Variants in EIF2B2 observed in about 807,000 individuals in gnomAD.
The protein encoded by EIF2B2 is translation initiation factor eIF2B subunit beta.
EIF2B2 carries 34 observed loss-of-function variants against 34.7 expected under a neutral mutation model. That is an observed-to-expected ratio of 0.98 (90% CI 0.75 to 1.31). The LOEUF (loss-of-function observed/expected upper bound fraction) is 1.31, where lower values mean the gene tolerates loss of function less well. EIF2B2 is among the 50% of genes most tolerant of loss of function. The pLI is 0.00. For synonymous variants in EIF2B2, 155 were observed against 171.6 expected, an observed-to-expected ratio of 0.90 and a Z score of 0.76; for missense variants, 361 against 447.7, an observed-to-expected ratio of 0.81 and a Z score of 1.75.
intron 3 of EIF2B2, 72 bp from the exon 4 acceptor site, chr14:75,004,665 T>A: frequency 6.5e-6 from 2 of 307,716 alleles, no homozygotes; most frequent in Non-Finnish European, 8.5e-6. Flanking sequence ...TATAGCAATT[T>A]CATATATATA....
rs752293505 is a variant in EIF2B2, at chr14:75,002,957, C to G, written c.-34C>G. ...CTGTGTGGTCTGGCAGGTGTGGATT[C>G]CGCCGGTGAAGGCTGAAGGCAGCTA... On this transcript the variant is annotated 5_prime_UTR_variant, in exon 1 of 8. Coordinates refer to ENST00000266126, the MANE Select transcript of EIF2B2 (RefSeq NM_014239.4). The G allele has an allele frequency of 2.5e-6, 4 of 1,613,298 alleles. No individual in the cohort carries two copies. Among genetic ancestry groups the G allele is most frequent in the Non-Finnish European group, 3.4e-6 (4 of 1,180,000 alleles).
Position 75,009,274 on chromosome 14 carries a change from C to A in EIF2B2, c.*86C>A. ...GTGTTGCTGCTGAAGCACATCCTTG[C>A]AATGTGGGAGTGCACAGGAGTCCAC... On this transcript the variant is annotated 3_prime_UTR_variant, in exon 8 of 8. Transcript: ENST00000266126. 6.5e-7 allele frequency: 1 copy of A among 1,542,184 alleles called. No individual in the cohort carries two copies. Among genetic ancestry groups the A allele is most frequent in the Non-Finnish European group, 8.9e-7 (1 of 1,120,188 alleles).
intron 4 of EIF2B2, among the ~76,000 whole-genome samples, chr14:75,005,524 G>C (rs1889614966): frequency 6.6e-6 from 1 of 152,162 alleles, no homozygotes; most frequent in South Asian, 2.1e-4. Flanking sequence ...GTCTCAAAAA[G>C]GAAATATGTA....
At chr14:75,003,450 C>G in intron 2 of EIF2B2, 55 bp downstream of exon 2, 1 of 1,613,946 alleles carries the variant, frequency 6.2e-7, no homozygotes, top group East Asian at 2.2e-5. Flanking sequence ...TTTGCACGGG[C>G]CCCTCTACCT....
intron 4 of EIF2B2, 196 bp downstream of exon 4, chr14:75,005,096 GGCCGGGA>G (rs1168096338): frequency 1.6e-6 from 1 of 632,636 alleles, no homozygotes; most frequent in Non-Finnish European, 2.7e-6. Context: ...AGAAAGTTGG[GGCCGGGA>G]GCGATGGCTC....
rs918480130 is a variant in EIF2B2, at chr14:75,011,319, C to T, written c.*2131C>T. On this transcript the variant is annotated 3_prime_UTR_variant, in exon 8 of 8. Coordinates refer to ENST00000266126, the MANE Select transcript of EIF2B2 (RefSeq NM_014239.4). ...CATGTTTATGCTTACATATTGTTTC[C>T]GGTTTTTAACCTAAAAAGTCTCCCA... The T allele has an allele frequency of 1.6e-4, 24 of 152,188 alleles. No homozygotes were observed. Among genetic ancestry groups the T allele is most frequent in the African/African-American group, 5.8e-4 (24 of 41,436 alleles). The allele number at this position is 152,188 out of a possible 1,614,324, so 9.4% of individuals were successfully genotyped here.
chr14:75,010,899 A>G lies in EIF2B2; in HGVS notation c.*1711A>G, dbSNP rs1011761502. On this transcript the variant is annotated 3_prime_UTR_variant, in exon 8 of 8. Coordinates refer to ENST00000266126, the MANE Select transcript of EIF2B2 (RefSeq NM_014239.4). The stretch of plus-strand genomic sequence containing the variant: ...CATAATACGGACTCATTTCCATAAA[A>G]CAACACTGGCTGGGCGCAATGGCTC... The G allele has an allele frequency of 6.6e-6, 1 of 152,274 alleles. No individual in the cohort carries two copies. The highest frequency in any genetic ancestry group is 1.5e-5 in the Non-Finnish European group (1 of 68,058). 9.4% of individuals were successfully genotyped at this position (152,274 alleles called of 1,614,324 possible). A position where few individuals can be genotyped will look rare whatever the true frequency, so the allele number is the denominator to read the frequency against.
intron 1 of EIF2B2, 48 bp from the exon 2 acceptor site, chr14:75,003,227 G>A (rs771410713): frequency 6.2e-7 from 1 of 1,613,168 alleles, no homozygotes; most frequent in Non-Finnish European, 8.5e-7. Flanking sequence ...AATTTCCCAG[G>A]CCTCACTTCG....
rs1365390122 is a variant in EIF2B2, at chr14:75,003,276, G to A, written c.165G>A (p.Gly55=). 8.1e-6 allele frequency: 13 copies of A among 1,613,592 alleles called. No individual in the cohort carries two copies. Among genetic ancestry groups the A allele is most frequent in the Non-Finnish European group, 1.1e-5 (13 of 1,179,996 alleles). Residue 55 remains glycine, a splice_region_variant and synonymous_variant, in exon 2 of 8, where the codon GGG becomes GGA. Coordinates refer to ENST00000266126, the MANE Select transcript of EIF2B2 (RefSeq NM_014239.4). ...TATCCTCTCTCTTTTGGACTGTAGG[G>A]GAGCTGATGGAGCTGATCCGCAGAG... ...IITDHRWSNA[G]ELMELIRREG...
rs1326288920 is a variant in EIF2B2 at position 75,010,487 on chromosome 14, T to C, written c.*1299T>C. ...GATGGCTGGAGGGGCAGTGTCTGGA[T>C]TGAAGGCATTTGGGCTGGTTCACTG... On this transcript the variant is annotated 3_prime_UTR_variant, in exon 8 of 8. Coordinates refer to ENST00000266126, the MANE Select transcript of EIF2B2 (RefSeq NM_014239.4). 2 of 152,238 alleles carry C rather than the reference T, an allele frequency of 1.3e-5. No homozygotes were observed. Among genetic ancestry groups the C allele is most frequent in the Non-Finnish European group, 2.9e-5 (2 of 68,044 alleles). The allele number at this position is 152,238 out of a possible 1,614,324, so 9.4% of individuals were successfully genotyped here.
chr14:75,003,726 G>A (rs1405230933), intron 3 of EIF2B2, 27 bp downstream of exon 3: 2 of 1,614,010 alleles, frequency 1.2e-6, no homozygotes, highest in Admixed American at 1.7e-5. Context: ...CTGGGAAAAT[G>A]GGACTGGTCA....
rs1889627154 is a variant in EIF2B2, at chr14:75,006,436, G to A, written c.694-141G>A. 1 of 1,212,254 alleles carries A rather than the reference G, an allele frequency of 8.2e-7. No homozygotes were observed. Among genetic ancestry groups the A allele is most frequent in the South Asian group, 1.3e-5 (1 of 76,006 alleles). 75.1% of individuals were successfully genotyped at this position (1,212,254 alleles called of 1,614,324 possible). A position where few individuals can be genotyped will look rare whatever the true frequency, so the allele number is the denominator to read the frequency against. On this transcript the variant is annotated intron_variant, in intron 5 of 7. Coordinates refer to ENST00000266126, the MANE Select transcript of EIF2B2 (RefSeq NM_014239.4). This position sits in a 1 kb window ranked among gnomAD's most constrained non-coding sequence, Gnocchi z 4.1. ...ACTTTTAAGCTAGAACTTGTATTGA[G>A]CCAGGGATCCCTTCACCTCTACCAG...
At position 75,003,639 on chromosome 14, in the gene EIF2B2, C is replaced by G. The variant is rs1172736504; in HGVS notation, c.373C>G (p.His125Asp). Residue 125 changes from histidine to aspartate, a missense_variant, in exon 3 of 8, where the codon CAT becomes GAT. By Grantham distance (81) the His-to-Asp change is moderately conservative (BLOSUM62 -1). Transcript: ENST00000266126. ...SGGLNEDFSF[H>D]YAQLQSNIIE... Reference sequence around the variant, plus strand: ...AGGCCTAAACGAGGATTTCAGCTTCCATTATGCCCAACTCCAGTCCAACAT... The same window carrying G: ...AGGCCTAAACGAGGATTTCAGCTTCGATTATGCCCAACTCCAGTCCAACAT... 4.3e-6 allele frequency: 7 copies of G among 1,614,050 alleles called. No homozygotes were observed. Among genetic ancestry groups the G allele is most frequent in the Non-Finnish European group, 5.9e-6 (7 of 1,180,038 alleles).
chr14:75,005,234 G>C (rs568978873), intron 4 of EIF2B2: 43 of 346,000 alleles, frequency 1.2e-4, no homozygotes, highest in Non-Finnish European at 1.9e-4. Context: ...AAAATTAGCT[G>C]GGCGTGGTGG....
chr14:75,005,948 C>T lies in EIF2B2; in HGVS notation c.680C>T (p.Ser227Leu). Residue 227 changes from serine (S) to leucine (L), a missense_variant, in exon 5 of 8, where the codon TCA becomes TTA. Transcript: ENST00000266126. ...MTDAAIFAVM[S>L]RVNKVIIGTK... is the part of the protein sequence containing the mutation. The stretch of plus-strand genomic sequence containing the variant: ...GATGCTGCCATTTTTGCCGTTATGT[C>T]AAGAGTCAACAAGGTGGGTATATCT... The T allele has an allele frequency of 6.2e-7, 1 of 1,612,694 alleles. No homozygotes were observed. The highest frequency in any genetic ancestry group is 1.7e-5 in the Admixed American group (1 of 59,998).
chr14:75,011,321 G>GT lies in EIF2B2; in HGVS notation c.*2138dup, dbSNP rs1294253560. The GT allele has an allele frequency of 6.6e-6, 1 of 152,234 alleles. No individual in the cohort carries two copies. Among genetic ancestry groups the GT allele is most frequent in the African/African-American group, 2.4e-5 (1 of 41,452 alleles). 9.4% of individuals were successfully genotyped at this position (152,234 alleles called of 1,614,324 possible). A position where few individuals can be genotyped will look rare whatever the true frequency, so the allele number is the denominator to read the frequency against. On this transcript the variant is annotated 3_prime_UTR_variant, in exon 8 of 8. Transcript: ENST00000266126. ...TGTTTATGCTTACATATTGTTTCCG[G>GT]TTTTTAACCTAAAAAGTCTCCCAGG...
chr14:75,007,777 C>A lies in EIF2B2; in HGVS notation c.887C>A (p.Pro296Gln). 6.2e-7 allele frequency: 1 copy of A among 1,613,890 alleles called. No individual in the cohort carries two copies. The highest frequency in any genetic ancestry group is 1.1e-5 in the South Asian group (1 of 91,064). Residue 296 changes from proline to glutamine, a missense_variant, in exon 7 of 8, where the codon CCA becomes CAA. Physicochemically the swap from Pro to Gln is moderately conservative, Grantham distance 76. Coordinates refer to ENST00000266126, the MANE Select transcript of EIF2B2 (RefSeq NM_014239.4). ...HKFVAPEEVL[P>Q]FTEGDILEKV... ...TTTGTGGCTCCTGAAGAAGTCCTGCCATTCACAGAAGGTACAGAAGCTGTG... is the reference window on the plus strand; with the variant it reads ...TTTGTGGCTCCTGAAGAAGTCCTGCAATTCACAGAAGGTACAGAAGCTGTG...
intron 3 of EIF2B2, 100 bp downstream of exon 3, chr14:75,003,799 G>A: frequency 6.5e-7 from 1 of 1,529,762 alleles, no homozygotes; most frequent in Non-Finnish European, 8.9e-7. Flanking sequence ...GAGATTAGCT[G>A]TCTTCTGGTT....
In EIF2B2 at chr14:75,006,994, G is replaced by C. The variant is rs746912492; in HGVS notation, c.831+280G>C. The C allele has an allele frequency of 1.2e-5, 7 of 571,042 alleles. No homozygotes were observed. Among genetic ancestry groups the C allele is most frequent in the South Asian group, 1.1e-4 (7 of 65,660 alleles). The allele number at this position is 571,042 out of a possible 1,614,324, so 35.4% of individuals were successfully genotyped here. A position where few individuals can be genotyped will look rare whatever the true frequency, so the allele number is the denominator to read the frequency against. ...CGATTGCCACCACTCCCTGTCGCCT[G>C]ACCATTTCTGAAAATGCCAAGCAGG... On this transcript the variant is annotated intron_variant, in intron 6 of 7. Transcript: ENST00000266126. This position sits in a 1 kb window ranked among gnomAD's most constrained non-coding sequence, Gnocchi z 4.1.
Sources: allele counts gnomAD v4.1 joint callset (sites outside exome capture counted in the v4.1 genomes callset), GRCh38; gene constraint gnomAD v4.1.1; non-coding constraint Gnocchi (gnomAD v3.1); transcripts MANE v1.5; gene names NCBI Gene and HGNC (gene_info 2026-07-23, HGNC 2026-07-21).